The following SDHAF3 variants were observed in gnomAD, a reference collection of about 807,000 sequenced individuals.
The protein encoded by SDHAF3 is succinate dehydrogenase assembly factor 3, mitochondrial.
Under a neutral mutation model 11.5 loss-of-function variants are expected in SDHAF3, and 18 were observed. The observed-to-expected ratio is 1.56, with a 90% CI of 1.08 to 2.32. The LOEUF is 2.32. Among genes scored for constraint, SDHAF3 ranks in the 30% most tolerant of loss-of-function variants. The pLI, the probability that SDHAF3 is intolerant of heterozygous loss-of-function variation, is 0.00. For missense variants in SDHAF3, 200 were observed against 154.4 expected (o/e 1.30, Z -1.57); for synonymous variants, 72 against 59.3 (o/e 1.21, Z -0.99).
chr7:97,127,079 T>G (rs995702186), intron 1 of SDHAF3, among the ~76,000 whole-genome samples: 11 of 152,216 alleles, frequency 7.2e-5, no homozygotes, highest in African/African-American at 2.4e-4. Context: ...TTGCGCTTCC[T>G]GGGTGAGGCA....
intron 1 of SDHAF3, among the ~76,000 whole-genome samples, chr7:97,149,354 T>C (rs1012463310): frequency 2.1e-4 from 32 of 151,364 alleles, no homozygotes; most frequent in African/African-American, 7.8e-4. Flanking sequence ...AAGATACACT[T>C]TTTTTTTTAA....
intron 1 of SDHAF3, among the ~76,000 whole-genome samples, chr7:97,150,562 C>CT (rs34184405): frequency 0.013 from 1,370 of 104,724 alleles, 24 homozygotes; most frequent in African/African-American, 0.039. Flanking sequence ...TCTTTTTTTC[C>CT]TTTTTTTTTT....
intron 1 of SDHAF3, among the ~76,000 whole-genome samples, chr7:97,121,692 G>A (rs190850642): frequency 1.3e-5 from 2 of 152,018 alleles, no homozygotes; most frequent in African/African-American, 4.8e-5. Context: ...AATGCTGTGG[G>A]ATCAAGGAGT....
intron 1 of SDHAF3, among the ~76,000 whole-genome samples, chr7:97,177,883 C>G (rs1789707033): frequency 6.6e-6 from 1 of 152,190 alleles, no homozygotes; most frequent in African/African-American, 2.4e-5. Context: ...TCTATCTCTG[C>G]TTATTCTAAT....
intron 1 of SDHAF3, 120 bp downstream of exon 1, chr7:97,118,017 G>A: frequency 2.4e-6 from 3 of 1,226,282 alleles, no homozygotes; most frequent in Non-Finnish European, 3.4e-6. Context: ...TTGAAATAGC[G>A]TAATGCTGTT....
intron 1 of SDHAF3, among the ~76,000 whole-genome samples, chr7:97,147,852 T>C (rs950392072): frequency 2.0e-5 from 3 of 152,206 alleles, no homozygotes; most frequent in Non-Finnish European, 4.4e-5. Context: ...TCCACCAAAA[T>C]GTGTTATCAC....
At chr7:97,143,302 AT>A (rs973390944) in intron 1 of SDHAF3, among the ~76,000 whole-genome samples, 3 of 151,184 alleles carry the variant, frequency 2.0e-5, no homozygotes, top group South Asian at 2.1e-4. Flanking sequence ...TGATACATTA[AT>A]TTTTTTTTCT....
intron 1 of SDHAF3, among the ~76,000 whole-genome samples, chr7:97,156,837 ATACTTT>A (rs1315544240): frequency 6.6e-6 from 1 of 152,166 alleles, no homozygotes; most frequent in Non-Finnish European, 1.5e-5. Context: ...GTTTTTAATT[ATACTTT>A]TAAGTTCTGG....
At chr7:97,179,774 G>T (rs974284132) in intron 1 of SDHAF3, among the ~76,000 whole-genome samples, 21 of 147,034 alleles carry the variant, frequency 1.4e-4, no homozygotes, top group African/African-American at 5.3e-4. Flanking sequence ...CTGCCCTGAA[G>T]CATATAGAAG....
At chr7:97,165,538 G>T in intron 1 of SDHAF3, among the ~76,000 whole-genome samples, 1 of 151,954 alleles carries the variant, frequency 6.6e-6, no homozygotes, top group East Asian at 1.9e-4. Context: ...ATGACTAGGT[G>T]AGATTTTGTA....
At chr7:97,168,455 C>G (rs935036328) in intron 1 of SDHAF3, among the ~76,000 whole-genome samples, 1 of 152,190 alleles carries the variant, frequency 6.6e-6, no homozygotes, top group Non-Finnish European at 1.5e-5. Context: ...AAACTAAATT[C>G]TCCCAAAGTT....
At chr7:97,118,015 G>T in intron 1 of SDHAF3, 118 bp downstream of exon 1, 1 of 1,233,938 alleles carries the variant, frequency 8.1e-7, no homozygotes, top group Non-Finnish European at 1.1e-6. Context: ...GTTTGAAATA[G>T]CGTAATGCTG....
rs138472318 is a variant in SDHAF3, at chr7:97,128,925, G to C, written c.174+11028G>C. 2.6e-3 allele frequency among the ~76,000 whole-genome samples: 393 copies of C among 151,728 alleles called. 1 individual carries two copies. Among genetic ancestry groups the C allele is most frequent in the African/African-American group, 9.2e-3 (381 of 41,350 alleles). On this transcript the variant is annotated intron_variant, in intron 1 of 1. Transcript: ENST00000432641. ...TTGCTCTGTTGCCCAGTCTGCTCTC[G>C]AACTCCTAGGCTCAAGTGATCCTCC...
intron 1 of SDHAF3, among the ~76,000 whole-genome samples, chr7:97,152,206 AG>A (rs1464358600): frequency 6.6e-6 from 1 of 152,196 alleles, no homozygotes; most frequent in African/African-American, 2.4e-5. Context: ...TGCCAGATGA[AG>A]CCAATTTATC....
At chr7:97,123,926 A>C (rs1791536924) in intron 1 of SDHAF3, among the ~76,000 whole-genome samples, 1 of 150,350 alleles carries the variant, frequency 6.7e-6, no homozygotes. Flanking sequence ...GATTGCAAAA[A>C]TTTTCTCCCG....
intron 1 of SDHAF3, among the ~76,000 whole-genome samples, chr7:97,172,435 T>C (rs933796833): frequency 3.3e-5 from 5 of 152,198 alleles, no homozygotes; most frequent in African/African-American, 1.2e-4. Flanking sequence ...CATTGTTTTC[T>C]TGGTTCTTGT....
chr7:97,133,952 T>C (rs533876907), intron 1 of SDHAF3, among the ~76,000 whole-genome samples: 65 of 152,352 alleles, frequency 4.3e-4, no homozygotes, highest in Non-Finnish European at 7.5e-4. Flanking sequence ...AACTGGAATA[T>C]TATTGTACAT....
chr7:97,127,877 A>G (rs1237627824), intron 1 of SDHAF3, among the ~76,000 whole-genome samples: 1 of 148,484 alleles, frequency 6.7e-6, no homozygotes, highest in East Asian at 1.9e-4. Flanking sequence ...TTTGTCACAC[A>G]TATATGTTTT....
At chr7:97,119,107 T>G (rs1791452744) in intron 1 of SDHAF3, among the ~76,000 whole-genome samples, 3 of 152,242 alleles carry the variant, frequency 2.0e-5, no homozygotes, top group Admixed American at 6.5e-5. Context: ...TATAAAATAA[T>G]AAGTGTTTAT....
Sources: allele counts gnomAD v4.1 joint callset (sites outside exome capture counted in the v4.1 genomes callset), GRCh38; gene constraint gnomAD v4.1.1; transcripts MANE v1.5; gene names NCBI Gene and HGNC (gene_info 2026-07-23, HGNC 2026-07-21).